Variants in NRG3 observed in about 807,000 individuals in gnomAD.
NRG3 encodes the protein neuregulin 3, also known as pro-neuregulin-3, membrane-bound isoform.
Under a neutral mutation model 66.9 loss-of-function variants are expected in NRG3, and 31 were observed. The ratio of observed to expected loss-of-function variants is 0.46; its 90% CI spans 0.35 to 0.63. The LOEUF (loss-of-function observed/expected upper bound fraction) is 0.63, where lower values mean the gene tolerates loss of function less well. Among genes scored for constraint, NRG3 ranks in the 20% least tolerant of loss-of-function variants. The pLI is 0.00. For missense variants in NRG3, 910 were observed against 878.9 expected (o/e 1.04, Z -0.45); for synonymous variants, 393 against 359.4 (o/e 1.09, Z -1.06).
intron 2 of NRG3, among the ~76,000 whole-genome samples, chr10:82,376,883 A>T (rs1410993481): frequency 6.6e-6 from 1 of 152,140 alleles, no homozygotes; most frequent in Non-Finnish European, 1.5e-5. Flanking sequence ...TAGGTGCTTC[A>T]TTGCAATCTG....
At chr10:82,961,843 A>G (rs1850676478) in intron 6 of NRG3, among the ~76,000 whole-genome samples, 1 of 152,206 alleles carries the variant, frequency 6.6e-6, no homozygotes, top group African/African-American at 2.4e-5. Context: ...TTTCCACTTT[A>G]CAGAGGGTGA....
chr10:82,781,291 T>G (rs1358188872), intron 3 of NRG3, among the ~76,000 whole-genome samples: 2 of 152,226 alleles, frequency 1.3e-5, no homozygotes, highest in Non-Finnish European at 2.9e-5. Context: ...CAAGGGTATC[T>G]TTCTTTCTAT....
chr10:82,663,292 G>T lies in NRG3; in HGVS notation c.954-75285G>T, dbSNP rs1213972205. Among the ~76,000 whole-genome samples, 3 of 152,186 alleles carry T rather than the reference G, an allele frequency of 2.0e-5. No individual in the cohort carries two copies. The East Asian group carries it at 5.8e-4, about 29-fold the overall frequency. ...TTGAGTCTAAGCAGGGGCTGAGGTT[G>T]TCTGAATTCATCTGCCATTGAGGTT... is the stretch of plus-strand genomic sequence containing the variant. On this transcript the variant is annotated intron_variant, in intron 2 of 8. Transcript: ENST00000372141.
intron 3 of NRG3, among the ~76,000 whole-genome samples, chr10:82,752,719 G>C (rs1329196388): frequency 1.3e-5 from 2 of 152,084 alleles, no homozygotes; most frequent in Admixed American, 6.6e-5. Context: ...CTCATGAATG[G>C]GATTAATGAC....
chr10:82,131,229 A>T (rs1056637710), intron 1 of NRG3, among the ~76,000 whole-genome samples: 1 of 152,100 alleles, frequency 6.6e-6, no homozygotes, highest in Non-Finnish European at 1.5e-5. Flanking sequence ...ATATGGCAAG[A>T]GATAGGGGTC....
At chr10:82,666,958 T>G (rs1319223741) in intron 2 of NRG3, among the ~76,000 whole-genome samples, 1 of 152,168 alleles carries the variant, frequency 6.6e-6, no homozygotes. Context: ...TCTAGAAACT[T>G]TAATGCAACA....
chr10:82,377,462 G>T (rs540809925), intron 2 of NRG3, among the ~76,000 whole-genome samples: 1 of 151,880 alleles, frequency 6.6e-6, no homozygotes. Context: ...GTGTGTGCGC[G>T]AGCGCACATG....
At chr10:82,947,901 A>G (rs527946876) in intron 4 of NRG3, among the ~76,000 whole-genome samples, 2 of 152,228 alleles carry the variant, frequency 1.3e-5, no homozygotes, top group East Asian at 1.9e-4. Flanking sequence ...TTTGAAGAGC[A>G]AATGTTAATG....
rs907457000 is a variant in NRG3, at chr10:82,609,589, CA to C, written c.954-128976del. ...TATTGTGCCAACAGATTATATTTTCCAAAAAAAAAAAAGAGAGAGAGAAAAT... is the reference window on the plus strand; with the variant it reads ...TATTGTGCCAACAGATTATATTTTCCAAAAAAAAAAAGAGAGAGAGAAAAT... On this transcript the variant is annotated intron_variant, in intron 2 of 8. Transcript: ENST00000372141. 7.1e-3 allele frequency among the ~76,000 whole-genome samples: 807 copies of C among 114,036 alleles called. 2 individuals carry two copies. The highest frequency in any genetic ancestry group is 0.018 in the African/African-American group (551 of 31,168). 74.8% of individuals were successfully genotyped at this position (114,036 alleles called of 152,430 possible).
chr10:82,513,601 C>A (rs1485799781), intron 2 of NRG3, among the ~76,000 whole-genome samples: 1 of 151,990 alleles, frequency 6.6e-6, no homozygotes, highest in Middle Eastern at 3.2e-3. Flanking sequence ...GCCAACATGG[C>A]GAAACCCTGT....
At chr10:82,925,327 T>C (rs1264706285) in intron 4 of NRG3, among the ~76,000 whole-genome samples, 1 of 152,242 alleles carries the variant, frequency 6.6e-6, no homozygotes, top group African/African-American at 2.4e-5. Context: ...CCAGACTGCC[T>C]GTGACCATTT....
chr10:82,492,411 A>C (rs571899365), intron 2 of NRG3, among the ~76,000 whole-genome samples: 8 of 152,346 alleles, frequency 5.3e-5, no homozygotes, highest in African/African-American at 1.9e-4. Flanking sequence ...AATGAAAATT[A>C]AGTAACACTC....
intron 1 of NRG3, among the ~76,000 whole-genome samples, chr10:82,282,814 CA>C (rs944394529): frequency 2.0e-5 from 3 of 152,042 alleles, no homozygotes; most frequent in Admixed American, 6.6e-5. Flanking sequence ...AGCACCTCCA[CA>C]AAATTTTTAA....
chr10:82,192,364 A>G (rs865793782), intron 1 of NRG3, among the ~76,000 whole-genome samples: 1 of 152,198 alleles, frequency 6.6e-6, no homozygotes, highest in African/African-American at 2.4e-5. Context: ...AATTAGTAAC[A>G]GGTATAATTG....
chr10:82,519,015 C>T (rs1199174668), intron 2 of NRG3, among the ~76,000 whole-genome samples: 1 of 152,162 alleles, frequency 6.6e-6, no homozygotes, highest in Non-Finnish European at 1.5e-5. Context: ...ATGTTCACCC[C>T]TGGCCTGTGC....
intron 1 of NRG3, among the ~76,000 whole-genome samples, chr10:82,022,584 T>G (rs1414226267): frequency 6.6e-6 from 1 of 152,134 alleles, no homozygotes; most frequent in Non-Finnish European, 1.5e-5. Flanking sequence ...CTCTACAGGA[T>G]TTCTTTATGA....
intron 3 of NRG3, among the ~76,000 whole-genome samples, chr10:82,861,092 A>G (rs1243805395): frequency 6.6e-6 from 1 of 152,068 alleles, no homozygotes; most frequent in Non-Finnish European, 1.5e-5. Flanking sequence ...CCCTGCAGTA[A>G]TGATCACGGT....
Position 82,560,130 on chromosome 10 carries a change from G to A in NRG3, c.954-178447G>A, listed in dbSNP as rs1041026063. Among the ~76,000 whole-genome samples, 16 of 150,794 alleles carry A rather than the reference G, an allele frequency of 1.1e-4. No homozygotes were observed. The South Asian group carries it at 2.9e-3, about 28-fold the overall frequency. Reference sequence around the variant, plus strand: ...CTTAATCTTTTTAATTCTCATTTTTGCTTTGAGGAATAATTAAAAATAAAA... The same window carrying A: ...CTTAATCTTTTTAATTCTCATTTTTACTTTGAGGAATAATTAAAAATAAAA... On this transcript the variant is annotated intron_variant, in intron 2 of 8. Transcript: ENST00000372141.
At chr10:81,988,698 C>T (rs1589699441) in intron 1 of NRG3, among the ~76,000 whole-genome samples, 1 of 152,038 alleles carries the variant, frequency 6.6e-6, no homozygotes, top group Admixed American at 6.6e-5. Flanking sequence ...CTGTCTCTTC[C>T]CAGATAAGTG....
Sources: gnomAD v4.1 joint callset for allele counts (sites outside exome capture counted in the v4.1 genomes callset) on GRCh38, gnomAD v4.1.1 for gene constraint, MANE v1.5 for transcripts, NCBI Gene and HGNC (gene_info 2026-07-23, HGNC 2026-07-21) for gene names.